SORCS2: variants seen among roughly 807,000 people sequenced by gnomAD.
SORCS2 encodes sortilin related VPS10 domain containing receptor 2, also known as VPS10 domain-containing receptor SorCS2.
A neutral mutation model predicts 141.6 loss-of-function variants in SORCS2; 100 were observed. The observed-to-expected ratio is 0.71, with a 90% CI of 0.60 to 0.83. The LOEUF (loss-of-function observed/expected upper bound fraction) is 0.83, where lower values mean the gene tolerates loss of function less well. SORCS2 is among the 40% of genes least tolerant of loss of function. The pLI, the probability that SORCS2 is intolerant of heterozygous loss-of-function variation, is 0.00. For missense variants in SORCS2, 1,646 were observed against 1,560.2 expected (o/e 1.05, Z -0.93); for synonymous variants, 789 against 676.9 (o/e 1.17, Z -2.57).
chr4:7,547,331 C>T (rs985512566), intron 3 of SORCS2, among the ~76,000 whole-genome samples: 4 of 152,198 alleles, frequency 2.6e-5, no homozygotes, highest in African/African-American at 9.6e-5. Flanking sequence ...TTCCCTAGCC[C>T]ACTTCCCTCC....
At chr4:7,405,348 G>C (rs1408830914) in intron 2 of SORCS2, among the ~76,000 whole-genome samples, 1 of 152,026 alleles carries the variant, frequency 6.6e-6, no homozygotes, top group Non-Finnish European at 1.5e-5. Context: ...CTCTTTTTGG[G>C]TTCCATTTGA....
intron 2 of SORCS2, among the ~76,000 whole-genome samples, chr4:7,512,701 C>A (rs1440936516): frequency 6.6e-6 from 1 of 151,870 alleles, no homozygotes; most frequent in African/African-American, 2.4e-5. Context: ...ATCTCCTCCT[C>A]ACTCCTGTCC....
At chr4:7,202,535 A>G (rs78503391) in intron 1 of SORCS2, among the ~76,000 whole-genome samples, 2,152 of 152,316 alleles carry the variant, frequency 0.014, 48 homozygotes, top group African/African-American at 0.049. Flanking sequence ...CTTCCTTAGT[A>G]ATTTTCTTGC....
At chr4:7,389,598 G>T (rs764335222) in intron 1 of SORCS2, among the ~76,000 whole-genome samples, 1 of 152,222 alleles carries the variant, frequency 6.6e-6, no homozygotes, top group Non-Finnish European at 1.5e-5. Flanking sequence ...CCCTGGTGAG[G>T]CTCAGGAGAT....
intron 19 of SORCS2, among the ~76,000 whole-genome samples, chr4:7,724,839 AGGTGATGGTGGTAGT>A (rs1560114808): frequency 8.8e-6 from 1 of 113,308 alleles, no homozygotes; most frequent in Non-Finnish European, 1.8e-5. Flanking sequence ...ATGATGGTGG[AGGTGATGGTGGTAGT>A]GGTGATGGTG....
chr4:7,485,599 GA>G (rs1730929508), intron 2 of SORCS2, among the ~76,000 whole-genome samples: 2 of 152,272 alleles, frequency 1.3e-5, no homozygotes, highest in African/African-American at 4.8e-5. Context: ...CCTAACAATG[GA>G]AAACACGGGA....
intron 16 of SORCS2, 42 bp from the exon 17 acceptor site, chr4:7,715,141 C>T: frequency 6.2e-6 from 10 of 1,607,226 alleles, no homozygotes; most frequent in Non-Finnish European, 7.7e-6. Flanking sequence ...CTCCGGTTCC[C>T]ACCTGTGCCC....
chr4:7,456,108 C>G (rs1390011810), intron 2 of SORCS2, among the ~76,000 whole-genome samples: 2 of 152,168 alleles, frequency 1.3e-5, no homozygotes, highest in Non-Finnish European at 2.9e-5. Context: ...CTCTATGTGT[C>G]TGTTTCCTGA....
chr4:7,353,189 G>A (rs1246861925), intron 1 of SORCS2, among the ~76,000 whole-genome samples: 1 of 152,166 alleles, frequency 6.6e-6, no homozygotes, highest in East Asian at 1.9e-4. Flanking sequence ...GCGAGGGCAG[G>A]GCCATCCCTG....
intron 1 of SORCS2, among the ~76,000 whole-genome samples, chr4:7,359,823 G>A (rs1274247411): frequency 6.6e-6 from 1 of 152,202 alleles, no homozygotes; most frequent in African/African-American, 2.4e-5. Flanking sequence ...CTAAGAGGCA[G>A]CCCTTCAGAT....
intron 2 of SORCS2, among the ~76,000 whole-genome samples, chr4:7,429,794 C>G (rs1319468070): frequency 1.3e-5 from 2 of 152,200 alleles, no homozygotes; most frequent in Non-Finnish European, 2.9e-5. Flanking sequence ...ACGCCCTGAG[C>G]CTGCTGCTCC....
intron 1 of SORCS2, among the ~76,000 whole-genome samples, chr4:7,340,249 C>T (rs113292840): frequency 7.9e-5 from 12 of 152,270 alleles, no homozygotes; most frequent in South Asian, 2.1e-4. Flanking sequence ...CCTCACACTC[C>T]GCTGACCATG....
chr4:7,232,284 C>T (rs937955048), intron 1 of SORCS2, among the ~76,000 whole-genome samples: 6 of 152,130 alleles, frequency 3.9e-5, no homozygotes, highest in African/African-American at 9.7e-5. Context: ...GGGGACACCC[C>T]AGTGACCCTG....
chr4:7,410,348 C>A (rs1253103365), intron 2 of SORCS2, among the ~76,000 whole-genome samples: 2 of 152,226 alleles, frequency 1.3e-5, no homozygotes, highest in African/African-American at 4.8e-5. Context: ...CAGTCTTACA[C>A]TGTAAGGGGA....
At chr4:7,472,069 T>C (rs1031138035) in intron 2 of SORCS2, among the ~76,000 whole-genome samples, 3 of 152,220 alleles carry the variant, frequency 2.0e-5, no homozygotes, top group African/African-American at 7.2e-5. Flanking sequence ...GAGTGCTCCC[T>C]GCACTGGGGG....
intron 2 of SORCS2, among the ~76,000 whole-genome samples, chr4:7,438,969 T>A (rs1325638677): frequency 6.6e-6 from 1 of 152,194 alleles, no homozygotes; most frequent in South Asian, 2.1e-4. Flanking sequence ...TTCTGTACTT[T>A]CCAGCACAGG....
chr4:7,622,089 A>G (rs1379760880), intron 3 of SORCS2, among the ~76,000 whole-genome samples: 2 of 152,084 alleles, frequency 1.3e-5, no homozygotes, highest in African/African-American at 2.4e-5. Flanking sequence ...CCCTGGGGGA[A>G]TTGCCACAGA....
intron 2 of SORCS2, among the ~76,000 whole-genome samples, chr4:7,499,138 G>A (rs1731808331): frequency 1.5e-5 from 2 of 137,622 alleles, no homozygotes; most frequent in Admixed American, 1.5e-4. Context: ...TGTATGAGTG[G>A]GCAAATGTAG....
intron 1 of SORCS2, among the ~76,000 whole-genome samples, chr4:7,239,778 T>C (rs1712560684): frequency 6.6e-6 from 1 of 152,244 alleles, no homozygotes; most frequent in Admixed American, 6.5e-5. Flanking sequence ...GTTAGGGAAG[T>C]GAATAAAAGA....
Sources: gnomAD v4.1 joint callset for allele counts (sites outside exome capture counted in the v4.1 genomes callset) on GRCh38, gnomAD v4.1.1 for gene constraint, MANE v1.5 for transcripts, NCBI Gene and HGNC (gene_info 2026-07-23, HGNC 2026-07-21) for gene names.